Variants in ALG13 observed in about 807,000 individuals in gnomAD.
ALG13 encodes the protein UDP-N-acetylglucosamine transferase subunit ALG13.
A neutral mutation model predicts 87.8 loss-of-function variants in ALG13; 11 were observed. The ratio of observed to expected loss-of-function variants is 0.13; its 90% CI spans 0.08 to 0.21. The LOEUF is 0.21. ALG13 is among the 10% of genes least tolerant of loss of function. The probability of loss-of-function intolerance (pLI) is 1.00; values close to 1 mark genes in which losing one functional copy is unlikely to be tolerated. For missense variants in ALG13, 756 were observed against 866.1 expected (o/e 0.87, Z 1.60); for synonymous variants, 320 against 306.3 (o/e 1.04, Z -0.47).
intron 18 of ALG13, 142 bp from the exon 19 acceptor site, chrX:111,728,043 A>G: frequency 1.2e-6 from 1 of 824,849 alleles, no homozygotes; most frequent in Non-Finnish European, 1.7e-6. Context: ...ACTGCATGGA[A>G]AACATTTAAT....
chrX:111,688,047 A>G, intron 3 of ALG13: 5 of 1,011,440 alleles, frequency 4.9e-6, no homozygotes, highest in Non-Finnish European at 5.1e-6. Context: ...AATTCAACCT[A>G]TGTAATGTGA....
At chrX:111,688,687 G>T (rs1935577080) in intron 3 of ALG13, 2 of 749,984 alleles carry the variant, frequency 2.7e-6, no homozygotes, top group South Asian at 6.8e-5. Context: ...GTTTTTTAAG[G>T]ATCTCCTCTC....
intron 25 of ALG13, 110 bp downstream of exon 25, chrX:111,752,940 AT>A (rs1175665313): frequency 3.9e-6 from 2 of 519,070 alleles, no homozygotes; most frequent in Non-Finnish European, 6.3e-6. Context: ...GGGACTAAAC[AT>A]TTTAATTCTG....
At chrX:111,736,676 C>G (rs764606627) in intron 22 of ALG13, 38 bp from the exon 23 acceptor site, 4 of 1,176,286 alleles carry the variant, frequency 3.4e-6, no homozygotes, top group East Asian at 3.0e-5. Context: ...TTTGAAAAAC[C>G]AAACTTAAGA....
At chrX:111,727,295 A>G in intron 16 of ALG13, 37 bp from the exon 17 acceptor site, 1 of 1,072,052 alleles carries the variant, frequency 9.3e-7, no homozygotes, top group Non-Finnish European at 1.3e-6. Flanking sequence ...GGTATTAGTG[A>G]ATAGAGAGTT....
At chrX:111,743,385 T>TC (rs758344630) in intron 23 of ALG13, among the ~76,000 whole-genome samples, 1 of 111,867 alleles carries the variant, frequency 8.9e-6, no homozygotes, top group Non-Finnish European at 1.9e-5. Context: ...ATGACAAAAC[T>TC]CCAAAACAGC....
At chrX:111,724,467 C>T (rs1272342782) in intron 14 of ALG13, among the ~76,000 whole-genome samples, 1 of 112,265 alleles carries the variant, frequency 8.9e-6, no homozygotes, top group Non-Finnish European at 1.9e-5. Context: ...CAGTAAGGTC[C>T]TTCCTCCTTC....
intron 3 of ALG13, chrX:111,690,525 G>T (rs1396736313): frequency 3.0e-6 from 1 of 330,628 alleles, no homozygotes; most frequent in Non-Finnish European, 3.9e-6. Context: ...TTGACATAGG[G>T]TTCTGGAACA....
chrX:111,700,880 C>G (rs371131799), intron 3 of ALG13, among the ~76,000 whole-genome samples: 1 of 108,461 alleles, frequency 9.2e-6, no homozygotes, highest in Non-Finnish European at 1.9e-5. Flanking sequence ...TGTGAGCCAC[C>G]GTGCCCGGCC....
rs765759715 is a variant in ALG13, at chrX:111,731,736, ACAG to A, written c.2457+1157_2457+1159del. 1.1e-3 allele frequency among the ~76,000 whole-genome samples: 121 copies of A among 112,015 alleles called. 1 individual carries two copies. The highest frequency in any genetic ancestry group is 3.8e-3 in the African/African-American group (116 of 30,790). Reference sequence around the variant, plus strand: ...GGTTTCATGTACCAATAGCCATACTACAGTTCTTTTCTATAGATATACTACTAA... The same window carrying A: ...GGTTTCATGTACCAATAGCCATACTATTCTTTTCTATAGATATACTACTAA... On this transcript the variant is annotated intron_variant, in intron 21 of 26. Coordinates refer to ENST00000394780, the MANE Select transcript of ALG13 (RefSeq NM_001099922.3).
chrX:111,739,181 C>T (rs1943535905), intron 23 of ALG13, among the ~76,000 whole-genome samples: 1 of 111,608 alleles, frequency 9.0e-6, no homozygotes, highest in South Asian at 3.7e-4. Flanking sequence ...AAAGCAGACA[C>T]CTTCTTTACA....
chrX:111,736,058 C>G, intron 22 of ALG13, among the ~76,000 whole-genome samples: 1 of 111,507 alleles, frequency 9.0e-6, no homozygotes, highest in Non-Finnish European at 1.9e-5. Context: ...AATCCCAACA[C>G]TTTGGGATGC....
chrX:111,724,881 G>C, intron 14 of ALG13, 53 bp from the exon 15 acceptor site: 2 of 1,176,294 alleles, frequency 1.7e-6, no homozygotes, highest in Non-Finnish European at 2.3e-6. Context: ...TGTATTGAAT[G>C]AAAGTTAAGT....
In ALG13 at chrX:111,736,882, A is replaced by G; in HGVS notation, c.2695+3A>G. 2 of 1,199,931 alleles carry G rather than the reference A, an allele frequency of 1.7e-6. No individual in the cohort carries two copies. The highest frequency in any genetic ancestry group is 2.2e-6 in the Non-Finnish European group (2 of 889,647). The stretch of plus-strand genomic sequence containing the variant: ...TCCACCTACACACGGCAGGCCAGGT[A>G]GGTTATTAGCAGATGCTTACTTTGG... On this transcript the variant is annotated splice_donor_region_variant and intron_variant, in intron 23 of 26. Transcript: ENST00000394780.
At chrX:111,732,239 C>G (rs1326634303) in intron 21 of ALG13, among the ~76,000 whole-genome samples, 1 of 111,636 alleles carries the variant, frequency 9.0e-6, no homozygotes. Context: ...AATTGCTTAC[C>G]CTAAGAGCTA....
At position 111,708,202 on chromosome X, in the gene ALG13, C is replaced by T; in HGVS notation, c.559C>T (p.Pro187Ser). The T allele has an allele frequency of 8.3e-7, 1 of 1,211,565 alleles. No individual in the cohort carries two copies. The highest frequency in any genetic ancestry group is 1.1e-6 in the Non-Finnish European group (1 of 895,335). ...CCATCCTACCTGCACCCTGCTTTTT[C>T]CCTCTTGCCACGCTTTTTTTCCTCT... ...ATHPTCTLLF[P>S]SCHAFFPLPL... The change falls in exon 4 of 27, where the codon CCC becomes TCC. Residue 187 changes from proline (P) to serine (S), a missense_variant. By Grantham distance (74) the Pro-to-Ser change is moderately conservative (BLOSUM62 -1). This residue lies in a region of ALG13 where 153 missense variants were observed against 168.7 expected (regional missense o/e 0.91). Coordinates refer to ENST00000394780, the MANE Select transcript of ALG13 (RefSeq NM_001099922.3).
At chrX:111,694,105 G>A (rs897874889) in intron 3 of ALG13, among the ~76,000 whole-genome samples, 3 of 109,186 alleles carry the variant, frequency 2.7e-5, no homozygotes, top group South Asian at 4.0e-4. Flanking sequence ...GTGCAGTGGC[G>A]CGGTCTCTGC....
chrX:111,724,845 A>C lies in ALG13; in HGVS notation c.1602-89A>C, dbSNP rs1009977433. 6 of 973,757 alleles carry C rather than the reference A, an allele frequency of 6.2e-6. No homozygotes were observed. In the Admixed American group the frequency reaches 1.1e-4, roughly 18 times the overall value. 80.2% of individuals were successfully genotyped at this position (973,757 alleles called of 1,213,427 possible). A position where few individuals can be genotyped will look rare whatever the true frequency, so the allele number is the denominator to read the frequency against. ...TGTCAACCAGGTTTTAATAGAATAC[A>C]CTTGAAGTATAAGGGGTGGGATACG... On this transcript the variant is annotated intron_variant, in intron 14 of 26. Transcript: ENST00000394780.
intron 23 of ALG13, among the ~76,000 whole-genome samples, chrX:111,738,148 G>C (rs1478937384): frequency 8.9e-6 from 1 of 112,053 alleles, no homozygotes; most frequent in African/African-American, 3.2e-5. Context: ...AAACATTAAA[G>C]AATAACATAA....
Sources: gnomAD v4.1 joint callset for allele counts (sites outside exome capture counted in the v4.1 genomes callset) on GRCh38, gnomAD v4.1.1 for gene constraint, gnomAD v4.1.1 regional missense constraint, MANE v1.5 for transcripts, NCBI Gene and HGNC (gene_info 2026-07-23, HGNC 2026-07-21) for gene names.